The following KALRN variants were observed in gnomAD, a reference collection of about 807,000 sequenced individuals.
The protein encoded by KALRN is kalirin.
In KALRN, 70 loss-of-function variants were observed where a neutral mutation model predicts 353.7. The observed-to-expected ratio is 0.20, with a 90% CI of 0.16 to 0.24. KALRN has a LOEUF of 0.24. KALRN is among the 10% of genes least tolerant of loss of function. KALRN has a pLI of 1.00. For synonymous variants in KALRN, 1,391 were observed against 1,434.8 expected, an observed-to-expected ratio of 0.97 and a Z score of 0.69; for missense variants, 2,791 against 3,756.7, an observed-to-expected ratio of 0.74 and a Z score of 6.72.
At chr3:124,399,221 C>T (rs1466731307) in intron 13 of KALRN, among the ~76,000 whole-genome samples, 1 of 152,206 alleles carries the variant, frequency 6.6e-6, no homozygotes, top group Admixed American at 6.5e-5. Flanking sequence ...TCACTGCAAG[C>T]TCCACCTCTC....
At chr3:124,645,298 G>A (rs2082565116) in intron 37 of KALRN, among the ~76,000 whole-genome samples, 1 of 152,306 alleles carries the variant, frequency 6.6e-6, no homozygotes, top group African/African-American at 2.4e-5. Flanking sequence ...TCTGATGATA[G>A]TTTCTTTTGC....
chr3:124,510,208 G>T (rs1317584608), intron 33 of KALRN, among the ~76,000 whole-genome samples: 4 of 152,174 alleles, frequency 2.6e-5, no homozygotes, highest in African/African-American at 9.7e-5. Flanking sequence ...TTCCAGTTTG[G>T]GAAGATCAGA....
At chr3:124,640,286 C>CTTTTT (rs71777187) in intron 37 of KALRN, among the ~76,000 whole-genome samples, 46 of 127,446 alleles carry the variant, frequency 3.6e-4, no homozygotes, top group East Asian at 1.2e-3. Context: ...TTCTTTCTTT[C>CTTTTT]TTTTTTTTTT....
chr3:124,445,148 G>A (rs1052478756), intron 19 of KALRN, among the ~76,000 whole-genome samples: 1 of 152,048 alleles, frequency 6.6e-6, no homozygotes, highest in African/African-American at 2.4e-5. Flanking sequence ...CCTTCCCTAC[G>A]CTTTCTCAAA....
At chr3:124,465,630 C>T (rs187315266) in intron 25 of KALRN, among the ~76,000 whole-genome samples, 1 of 152,234 alleles carries the variant, frequency 6.6e-6, no homozygotes, top group East Asian at 1.9e-4. Flanking sequence ...CTTATTTATT[C>T]TTCAGAAATA....
intron 23 of KALRN, among the ~76,000 whole-genome samples, chr3:124,458,920 C>A (rs1379048763): frequency 1.3e-5 from 2 of 151,944 alleles, no homozygotes; most frequent in Admixed American, 1.3e-4. Context: ...GGCAACAGAG[C>A]AAGAATCCAT....
At chr3:124,645,770 T>C (rs2082637238) in intron 37 of KALRN, among the ~76,000 whole-genome samples, 1 of 151,900 alleles carries the variant, frequency 6.6e-6, no homozygotes, top group Admixed American at 6.6e-5. Flanking sequence ...AACATGGGGG[T>C]GCAGATGTCT....
intron 12 of KALRN, among the ~76,000 whole-genome samples, chr3:124,396,809 G>A (rs1165950065): frequency 6.6e-6 from 1 of 152,232 alleles, no homozygotes; most frequent in African/African-American, 2.4e-5. Context: ...TAAATTCCAT[G>A]GGTTTCAGAG....
chr3:124,605,599 A>AGAGAGAGAGAGAGAG, intron 34 of KALRN, among the ~76,000 whole-genome samples: 1 of 135,260 alleles, frequency 7.4e-6, no homozygotes, highest in African/African-American at 2.8e-5. Flanking sequence ...AGAGAGAGAG[A>AGAGAGAGAGAGAGAG]ATAGGTGCAT....
At chr3:124,125,535 G>A (rs544051526) in intron 1 of KALRN, among the ~76,000 whole-genome samples, 5 of 152,200 alleles carry the variant, frequency 3.3e-5, no homozygotes, top group Admixed American at 6.5e-5. Flanking sequence ...GATGTGGTGG[G>A]TGGAGGGCTC....
intron 34 of KALRN, among the ~76,000 whole-genome samples, chr3:124,582,500 AG>A (rs371576453): frequency 2.0e-3 from 297 of 152,250 alleles, no homozygotes; most frequent in Middle Eastern, 6.8e-3. Context: ...ACTGTTCCAA[AG>A]GGGTGAAGCT....
At chr3:124,593,339 G>T (rs1281115307) in intron 34 of KALRN, among the ~76,000 whole-genome samples, 2 of 152,108 alleles carry the variant, frequency 1.3e-5, no homozygotes, top group Non-Finnish European at 2.9e-5. Flanking sequence ...TCAAAGTGTG[G>T]TCACCTGGGA....
chr3:124,229,346 A>ACT (rs2078914281), intron 2 of KALRN, among the ~76,000 whole-genome samples: 1 of 152,188 alleles, frequency 6.6e-6, no homozygotes, highest in East Asian at 1.9e-4. Context: ...GCAGGGCTCC[A>ACT]CTCTAGGCCT....
intron 42 of KALRN, 32 bp downstream of exon 42, chr3:124,658,549 G>T: frequency 6.3e-7 from 1 of 1,576,742 alleles, no homozygotes; most frequent in Non-Finnish European, 8.7e-7. Context: ...GAACTGGGGT[G>T]GGAGGAAAAC....
intron 13 of KALRN, among the ~76,000 whole-genome samples, chr3:124,400,885 C>G (rs2090770870): frequency 6.6e-6 from 1 of 152,134 alleles, no homozygotes; most frequent in South Asian, 2.1e-4. Context: ...TCCAGGTCTG[C>G]TTCAAAACAT....
intron 1 of KALRN, among the ~76,000 whole-genome samples, chr3:124,144,594 TCTTCCTTCTCCTCCTCTTCCTCATC>T (rs2067067871): frequency 2.0e-5 from 3 of 151,162 alleles, no homozygotes; most frequent in African/African-American, 7.3e-5. Context: ...CTCTTCCTCG[TCTTCCTTCTCCTCCTCTTCCTCATC>T]CTCCTCCTCT....
intron 25 of KALRN, among the ~76,000 whole-genome samples, chr3:124,466,114 A>C (rs557382627): frequency 1.3e-5 from 2 of 151,692 alleles, no homozygotes; most frequent in Admixed American, 1.3e-4. Context: ...TTGTCTTTAT[A>C]GGTATTGAAT....
intron 3 of KALRN, among the ~76,000 whole-genome samples, chr3:124,238,322 C>T (rs891401571): frequency 2.0e-5 from 3 of 152,134 alleles, no homozygotes; most frequent in Middle Eastern, 3.2e-3. Flanking sequence ...GTTGCATTAA[C>T]GGGTGGACGT....
rs1282933795 is a variant in KALRN, at chr3:124,632,400, T to C, written c.5183-20T>C. The C allele has an allele frequency of 6.2e-7, 1 of 1,612,162 alleles. No individual in the cohort carries two copies. The highest frequency in any genetic ancestry group is 8.5e-7 in the Non-Finnish European group (1 of 1,178,606). ...GCCTTCACCACCTCTGACATGGCTG[T>C]GTCTGTCCGTTTTCCTCAGATGCAT... is the stretch of plus-strand genomic sequence containing the variant. On this transcript the variant is annotated intron_variant, in intron 34 of 59. Transcript: ENST00000682506.
Sources: gnomAD v4.1 joint callset for allele counts (sites outside exome capture counted in the v4.1 genomes callset) on GRCh38, gnomAD v4.1.1 for gene constraint, MANE v1.5 for transcripts, NCBI Gene and HGNC (gene_info 2026-07-23, HGNC 2026-07-21) for gene names.